Variants in SORBS2 observed in about 807,000 individuals in gnomAD.
SORBS2 encodes the protein sorbin and SH3 domain-containing protein 2.
A neutral mutation model predicts 97.7 loss-of-function variants in SORBS2; 46 were observed. The ratio of observed to expected loss-of-function variants is 0.47; its 90% CI spans 0.37 to 0.60. The LOEUF (loss-of-function observed/expected upper bound fraction) is 0.60, where lower values mean the gene tolerates loss of function less well. Ranked by LOEUF, SORBS2 falls within the 20% of genes least tolerant of loss-of-function variation. The pLI is 0.00. For missense variants in SORBS2, 1,316 were observed against 1,282.3 expected, an observed-to-expected ratio of 1.03 and a Z score of -0.40; for synonymous variants, 476 against 473.4, an observed-to-expected ratio of 1.01 and a Z score of -0.07.
intron 1 of SORBS2, among the ~76,000 whole-genome samples, chr4:185,839,541 A>G (rs2099210231): frequency 6.6e-6 from 1 of 152,132 alleles, no homozygotes; most frequent in Non-Finnish European, 1.5e-5. Flanking sequence ...GCCGGAGCAC[A>G]CTGAGCGCTC....
intron 12 of SORBS2, among the ~76,000 whole-genome samples, chr4:185,603,588 G>C (rs1043331824): frequency 1.3e-5 from 2 of 152,106 alleles, no homozygotes; most frequent in African/African-American, 4.8e-5. Flanking sequence ...ATGTGCAGAG[G>C]CTCTCATTTC....
Position 185,607,264 on chromosome 4 carries a change from C to A in SORBS2, c.2796+4516G>T, listed in dbSNP as rs1178009355. 4.7e-6 allele frequency: 6 copies of A among 1,263,166 alleles called. No individual in the cohort carries two copies. The highest frequency in any genetic ancestry group is 6.1e-6 in the Non-Finnish European group (6 of 978,310). The allele number at this position is 1,263,166 out of a possible 1,614,324, so 78.2% of individuals were successfully genotyped here. On this transcript the variant is annotated intron_variant, in intron 12 of 14. Coordinates refer to ENST00000418609, the Ensembl canonical transcript of SORBS2. The surrounding 1 kb of genome is among the most constrained non-coding windows in gnomAD (Gnocchi z 5.2). ...ACATGAGGCTGTCAGGGACAACCAGCCCTGGCCAGTTCCCTGGAGAGCTCC... is the reference window on the plus strand; with the variant it reads ...ACATGAGGCTGTCAGGGACAACCAGACCTGGCCAGTTCCCTGGAGAGCTCC...
intron 1 of SORBS2, among the ~76,000 whole-genome samples, chr4:185,915,643 T>C (rs1403198445): frequency 6.6e-6 from 1 of 152,192 alleles, no homozygotes; most frequent in Non-Finnish European, 1.5e-5. Flanking sequence ...AAAATATTTA[T>C]TGGGAATTCC....
intron 1 of SORBS2, among the ~76,000 whole-genome samples, chr4:185,911,425 C>T (rs2099254996): frequency 6.6e-6 from 1 of 151,914 alleles, no homozygotes; most frequent in Non-Finnish European, 1.5e-5. Context: ...GGTGGAGTCT[C>T]ACTATATTGC....
intron 4 of SORBS2, chr4:185,676,848 T>G (rs2153497063): frequency 1.6e-6 from 1 of 633,222 alleles, no homozygotes; most frequent in East Asian, 2.8e-5. Flanking sequence ...TTTAGTAGGG[T>G]TTTAAATTGG....
chr4:185,923,609 T>C (rs554476741), intron 1 of SORBS2, among the ~76,000 whole-genome samples: 1 of 151,936 alleles, frequency 6.6e-6, no homozygotes, highest in Non-Finnish European at 1.5e-5. Context: ...AATTTTTCTA[T>C]AGACCTTTGT....
intron 9 of SORBS2, among the ~76,000 whole-genome samples, chr4:185,617,271 C>T (rs550308620): frequency 6.6e-6 from 1 of 151,898 alleles, no homozygotes; most frequent in Non-Finnish European, 1.5e-5. Context: ...TAGTTAGGAC[C>T]GGAGTACAGT....
chr4:185,951,495 TC>T (rs1469376377), intron 1 of SORBS2, among the ~76,000 whole-genome samples: 1 of 152,228 alleles, frequency 6.6e-6, no homozygotes, highest in Non-Finnish European at 1.5e-5. Context: ...ACTTCTGGTG[TC>T]CTTTGTACCT....
intron 2 of SORBS2, among the ~76,000 whole-genome samples, chr4:185,679,641 C>T (rs2097843889): frequency 6.6e-6 from 1 of 152,170 alleles, no homozygotes. Flanking sequence ...GTCAACTTTA[C>T]TTAGATTCAT....
intron 1 of SORBS2, among the ~76,000 whole-genome samples, chr4:185,919,109 T>C (rs899769472): frequency 2.0e-5 from 3 of 152,208 alleles, no homozygotes; most frequent in African/African-American, 7.2e-5. Context: ...AGAACTCTTT[T>C]CATGAATTTC....
At chr4:185,774,541 G>C (rs537714907) in intron 2 of SORBS2, 1 of 152,126 alleles carries the variant, frequency 6.6e-6, no homozygotes, top group African/African-American at 2.4e-5. Flanking sequence ...GCGTAACGAG[G>C]GGGAGAGGGG....
chr4:185,736,511 C>T (rs932054404), intron 2 of SORBS2, among the ~76,000 whole-genome samples: 4 of 152,116 alleles, frequency 2.6e-5, no homozygotes, highest in Admixed American at 1.3e-4. Context: ...TTAATGATGG[C>T]GGTGTTCGTT....
rs369818958 is a variant in SORBS2, at chr4:185,749,841, G to A, written c.-198+25386C>T. Among the ~76,000 whole-genome samples, 38 of 152,296 alleles carry A rather than the reference G, an allele frequency of 2.5e-4. 1 individual carries two copies. In the South Asian group the frequency reaches 7.5e-3, roughly 30 times the overall value. On this transcript the variant is annotated intron_variant, in intron 2 of 20. Coordinates refer to the SORBS2 transcript ENST00000284776. ...GAGAGAAAATGCATGCTGACTAAACGTCCACCCATTAGGCTCCTTATTAAC... is the reference window on the plus strand; with the variant it reads ...GAGAGAAAATGCATGCTGACTAAACATCCACCCATTAGGCTCCTTATTAAC...
chr4:185,791,667 C>T (rs913969727), intron 1 of SORBS2, among the ~76,000 whole-genome samples: 5 of 151,618 alleles, frequency 3.3e-5, no homozygotes, highest in Non-Finnish European at 7.4e-5. Flanking sequence ...AAAGTGAGTG[C>T]TCATACTTGA....
chr4:185,841,195 T>G (rs894961046), intron 1 of SORBS2, among the ~76,000 whole-genome samples: 1 of 152,174 alleles, frequency 6.6e-6, no homozygotes, highest in Non-Finnish European at 1.5e-5. Flanking sequence ...TTGATGACTC[T>G]AAGCTGGGTA....
exon 13 of SORBS2, chr4:185,593,919 A>C: frequency 6.2e-7 from 1 of 1,606,496 alleles, no homozygotes; most frequent in East Asian, 2.2e-5. Flanking sequence ...TTCATGAGTA[A>C]ACACAGGACG....
chr4:185,845,326 A>C (rs1374347635), intron 1 of SORBS2, among the ~76,000 whole-genome samples: 3 of 152,118 alleles, frequency 2.0e-5, no homozygotes, highest in African/African-American at 7.2e-5. Context: ...GGCCATGAAA[A>C]TGTTTTTGAA....
chr4:185,736,072 G>A (rs1446733258), intron 2 of SORBS2, among the ~76,000 whole-genome samples: 1 of 152,210 alleles, frequency 6.6e-6, no homozygotes, highest in East Asian at 1.9e-4. Flanking sequence ...CAGGGGTGGG[G>A]TGGGGTCTCC....
At chr4:185,712,656 A>AC (rs1562066143) in intron 2 of SORBS2, among the ~76,000 whole-genome samples, 1 of 152,052 alleles carries the variant, frequency 6.6e-6, no homozygotes, top group African/African-American at 2.4e-5. Context: ...AGTCACAGGC[A>AC]CCCCCACCTG....
Sources: gnomAD v4.1 joint callset for allele counts (sites outside exome capture counted in the v4.1 genomes callset) on GRCh38, gnomAD v4.1.1 for gene constraint, Gnocchi (gnomAD v3.1) non-coding constraint, MANE v1.5 for transcripts, NCBI Gene and HGNC (gene_info 2026-07-23, HGNC 2026-07-21) for gene names.